RRAD: variants seen among roughly 807,000 people sequenced by gnomAD.
RRAD encodes the protein GTP-binding protein RAD.
Under a neutral mutation model 24.7 loss-of-function variants are expected in RRAD, and 15 were observed. The ratio of observed to expected loss-of-function variants is 0.61; its 90% CI spans 0.41 to 0.93. The LOEUF (loss-of-function observed/expected upper bound fraction) is 0.93, where lower values mean the gene tolerates loss of function less well. RRAD is among the 40% of genes least tolerant of loss of function. The pLI, the probability that RRAD is intolerant of heterozygous loss-of-function variation, is 0.00. For synonymous variants in RRAD, 180 were observed against 189.8 expected (o/e 0.95, Z 0.43); for missense variants, 438 against 452.2 (o/e 0.97, Z 0.29).
At position 66,923,897 on chromosome 16, in the gene RRAD, A is replaced by G. The variant is rs761239090; in HGVS notation, c.393T>C (p.Ile131=). Residue 131 remains isoleucine (I), a synonymous_variant, in exon 3 of 5, where the codon ATT becomes ATC. Transcript: ENST00000299759. This position sits in a 1 kb window ranked among gnomAD's most constrained non-coding sequence, Gnocchi z 4.9. ...EAAGHTYDRS[I]VVDGEEASLM... Reference sequence around the variant, plus strand: ...GTGATGCCTCTTCTCCGTCCACTACAATGGAGCGATCATAGGTGTGCCCTA... The same window carrying G: ...GTGATGCCTCTTCTCCGTCCACTACGATGGAGCGATCATAGGTGTGCCCTA... The G allele has an allele frequency of 6.2e-7, 1 of 1,614,004 alleles. No individual in the cohort carries two copies. Among genetic ancestry groups the G allele is most frequent in the Non-Finnish European group, 8.5e-7 (1 of 1,179,972 alleles).
rs757517331 is a variant in RRAD, at chr16:66,923,670, A to G, written c.495T>C (p.Tyr165=). Residue 165 remains tyrosine (Y), a synonymous_variant, in exon 4 of 5, where the codon TAT becomes TAC. Transcript: ENST00000299759. The surrounding 1 kb of genome is among the most constrained non-coding windows in gnomAD (Gnocchi z 4.9). ...PGHCMAMGDA[Y]VIVYSVTDKG... ...TGTCCGTCACTGAGTACACAATGAC[A>G]TAGGCATCCCCCATGGCCATGCAGT... 12 of 1,614,006 alleles carry G rather than the reference A, an allele frequency of 7.4e-6. No homozygotes were observed. Among genetic ancestry groups the G allele is most frequent in the Non-Finnish European group, 8.5e-7 (1 of 1,180,024 alleles).
At position 66,924,862 on chromosome 16, in the gene RRAD, G is replaced by C; in HGVS notation, c.318C>G (p.Ala106=). ...LLGAPGVGKS[A]LARIFGGVED... ...CCACACCGCCGAAGATGCGCGCCAGGGCGCTCTTGCCCACGCCGGGCGCCC... is the reference window on the plus strand; with the variant it reads ...CCACACCGCCGAAGATGCGCGCCAGCGCGCTCTTGCCCACGCCGGGCGCCC... The change falls in exon 2 of 5, where the codon GCC becomes GCG. Residue 106 remains alanine, a synonymous_variant. Coordinates refer to ENST00000299759, the MANE Select transcript of RRAD (RefSeq NM_004165.3). The surrounding 1 kb of genome is among the most constrained non-coding windows in gnomAD (Gnocchi z 4.2). 1.9e-6 allele frequency: 3 copies of C among 1,588,316 alleles called. No homozygotes were observed. Among genetic ancestry groups the C allele is most frequent in the Non-Finnish European group, 2.6e-6 (3 of 1,172,112 alleles).
rs1962945325 is a variant in RRAD, at chr16:66,923,450, G to A, written c.649+66C>T. On this transcript the variant is annotated intron_variant, in intron 4 of 4. Transcript: ENST00000299759. The surrounding 1 kb of genome is among the most constrained non-coding windows in gnomAD (Gnocchi z 4.9). Reference sequence around the variant, plus strand: ...GATGATCCCCAGGGACTCAAGCTGAGCCAAGACTGCCTGGATCAGGGCCCA... The same window carrying A: ...GATGATCCCCAGGGACTCAAGCTGAACCAAGACTGCCTGGATCAGGGCCCA... The A allele has an allele frequency of 5.2e-6, 7 of 1,358,228 alleles. No individual in the cohort carries two copies. In the South Asian group the frequency reaches 6.3e-5, roughly 12 times the overall value. 84.1% of individuals were successfully genotyped at this position (1,358,228 alleles called of 1,614,324 possible). A position where few individuals can be genotyped will look rare whatever the true frequency, so the allele number is the denominator to read the frequency against.
chr16:66,923,714 C>T lies in RRAD; in HGVS notation c.451G>A (p.Gly151Ser), dbSNP rs1324643833. The part of the protein sequence containing the change: ...MVYDIWEQDG[G>S]RWLPGHCMAM... ...ATGCAGTGGCCGGGCAACCAGCGGC[C>T]CCCGTCCTGGAGAACACACAACACA... Residue 151 changes from glycine (G) to serine (S), a missense_variant, in exon 4 of 5, where the codon GGC (glycine) becomes AGC (serine). By Grantham distance (56) the Gly-to-Ser change is moderately conservative. Coordinates refer to ENST00000299759, the MANE Select transcript of RRAD (RefSeq NM_004165.3). This position sits in a 1 kb window ranked among gnomAD's most constrained non-coding sequence, Gnocchi z 4.9. 6.8e-6 allele frequency: 11 copies of T among 1,613,952 alleles called. No individual in the cohort carries two copies. The highest frequency in any genetic ancestry group is 3.3e-5 in the Admixed American group (2 of 59,988).
rs1962983087 is a variant in RRAD at position 66,925,291 on chromosome 16, C to G, written c.-15-97G>C. 6.5e-6 allele frequency: 7 copies of G among 1,068,948 alleles called. No individual in the cohort carries two copies. Among genetic ancestry groups the G allele is most frequent in the Non-Finnish European group, 8.2e-6 (7 of 850,464 alleles). The allele number at this position is 1,068,948 out of a possible 1,614,324, so 66.2% of individuals were successfully genotyped here. On this transcript the variant is annotated intron_variant, in intron 1 of 4. Coordinates refer to ENST00000299759, the MANE Select transcript of RRAD (RefSeq NM_004165.3). The surrounding 1 kb of genome is among the most constrained non-coding windows in gnomAD (Gnocchi z 5.2). ...CCGGAGTCAGGCGGGATGCTCCGGC[C>G]GAGGTCCCGCCGCAGCCCTCCCCCA...
At position 66,923,914 on chromosome 16, in the gene RRAD, T is replaced by C; in HGVS notation, c.376A>G (p.Thr126Ala). Residue 126 changes from threonine (T) to alanine (A), a missense_variant, in exon 3 of 5, where the codon ACC (threonine) becomes GCC (alanine). Transcript: ENST00000299759. This position sits in a 1 kb window ranked among gnomAD's most constrained non-coding sequence, Gnocchi z 4.9. ...TCCACTACAATGGAGCGATCATAGGTGTGCCCTAGGCAGAAGGCCAGTAGA... is the reference window on the plus strand; with the variant it reads ...TCCACTACAATGGAGCGATCATAGGCGTGCCCTAGGCAGAAGGCCAGTAGA... ...DGPEAEAAGHTYDRSIVVDGE... is the reference protein window; with the variant it reads ...DGPEAEAAGHAYDRSIVVDGE... 1 of 1,613,962 alleles carries C rather than the reference T, an allele frequency of 6.2e-7. No homozygotes were observed. The highest frequency in any genetic ancestry group is 8.5e-7 in the Non-Finnish European group (1 of 1,179,880).
chr16:66,922,414 T>C (rs946514334), intron 4 of RRAD, 61 bp from the exon 5 acceptor site: 1 of 1,495,518 alleles, frequency 6.7e-7, no homozygotes, highest in Non-Finnish European at 9.0e-7. Context: ...AGGAGTCCCC[T>C]CCAACAGTGG....
In RRAD at chr16:66,922,290, T is replaced by G. The variant is rs1200112630; in HGVS notation, c.713A>C (p.His238Pro). 1 of 1,612,518 alleles carries G rather than the reference T, an allele frequency of 6.2e-7. No individual in the cohort carries two copies. Among genetic ancestry groups the G allele is most frequent in the Non-Finnish European group, 8.5e-7 (1 of 1,178,982 alleles). The change falls in exon 5 of 5, where the codon CAC becomes CCC. Residue 238 changes from histidine (H) to proline (P), a missense_variant. His to Pro is a moderately conservative substitution (Grantham distance 77). Transcript: ENST00000299759. ...KFIETSAALH[H>P]NVQALFEGVV... is the part of the protein sequence containing the mutation. ...ACCTTCAAACAGCGCCTGGACATTG[T>G]GGTGCAATGCCGCTGATGTCTCAAT...
Position 66,922,007 on chromosome 16 carries a change from G to T in RRAD, c.*69C>A. 1.4e-6 allele frequency: 2 copies of T among 1,445,696 alleles called. No homozygotes were observed. Among genetic ancestry groups the T allele is most frequent in the Non-Finnish European group, 1.9e-6 (2 of 1,055,842 alleles). 89.6% of individuals were successfully genotyped at this position (1,445,696 alleles called of 1,614,324 possible). A position where few individuals can be genotyped will look rare whatever the true frequency, so the allele number is the denominator to read the frequency against. On this transcript the variant is annotated 3_prime_UTR_variant, in exon 5 of 5. Coordinates refer to ENST00000299759, the MANE Select transcript of RRAD (RefSeq NM_004165.3). Reference sequence around the variant, plus strand: ...AGTCTGAGCCTGCTCTGAGGCACCCGGGGCAGTTGGCTGGGCCAGCCCACC... The same window carrying T: ...AGTCTGAGCCTGCTCTGAGGCACCCTGGGCAGTTGGCTGGGCCAGCCCACC...
Position 66,923,381 on chromosome 16 carries a change from A to G in RRAD, c.649+135T>C, listed in dbSNP as rs1962944365. ...TGTGAGCAGGCACCAGCTCTCTCCC[A>G]TTTCCCTCCCCGCCAGTTTTCTTTC... is the stretch of plus-strand genomic sequence containing the variant. On this transcript the variant is annotated intron_variant, in intron 4 of 4. Coordinates refer to ENST00000299759, the MANE Select transcript of RRAD (RefSeq NM_004165.3). This position sits in a 1 kb window ranked among gnomAD's most constrained non-coding sequence, Gnocchi z 4.9. 2 of 754,328 alleles carry G rather than the reference A, an allele frequency of 2.7e-6. No individual in the cohort carries two copies. 46.7% of individuals were successfully genotyped at this position (754,328 alleles called of 1,614,324 possible). A position where few individuals can be genotyped will look rare whatever the true frequency, so the allele number is the denominator to read the frequency against.
At position 66,923,961 on chromosome 16, in the gene RRAD, A is replaced by G; in HGVS notation, c.371-42T>C. On this transcript the variant is annotated intron_variant, in intron 2 of 4. Coordinates refer to ENST00000299759, the MANE Select transcript of RRAD (RefSeq NM_004165.3). This position sits in a 1 kb window ranked among gnomAD's most constrained non-coding sequence, Gnocchi z 4.9. ...TAGACAGGTTACCAGCTGGTTGTCA[A>G]AGCCGCTGCTGCCAGGTTTCCTGTT... The G allele has an allele frequency of 1.3e-6, 2 of 1,544,700 alleles. No homozygotes were observed. Among genetic ancestry groups the G allele is most frequent in the Non-Finnish European group, 1.8e-6 (2 of 1,116,730 alleles).
In RRAD at chr16:66,925,003, G is replaced by A. The variant is rs1962975691; in HGVS notation, c.177C>T (p.Ala59=). The A allele has an allele frequency of 2.8e-6, 4 of 1,429,902 alleles. No individual in the cohort carries two copies. Among genetic ancestry groups the A allele is most frequent in the Non-Finnish European group, 3.7e-6 (4 of 1,087,430 alleles). The allele number at this position is 1,429,902 out of a possible 1,614,324, so 88.6% of individuals were successfully genotyped here. A position where few individuals can be genotyped will look rare whatever the true frequency, so the allele number is the denominator to read the frequency against. Reference sequence around the variant, plus strand: ...GACCCTGGGTCCCCGTCCCGGCCGCGGCCGCCGTCAGGGCACCCGGGGTCA... The same window carrying A: ...GACCCTGGGTCCCCGTCCCGGCCGCAGCCGCCGTCAGGGCACCCGGGGTCA... ...AALTPGALTA[A]AAGTGTQGPR... The change falls in exon 2 of 5, where the codon GCC becomes GCT. Residue 59 remains alanine (A), a synonymous_variant. Transcript: ENST00000299759. This position sits in a 1 kb window ranked among gnomAD's most constrained non-coding sequence, Gnocchi z 5.2.
rs1174215429 is a variant in RRAD, at chr16:66,924,293, T to TG, written c.371-375dup. 1.3e-5 allele frequency among the ~76,000 whole-genome samples: 2 copies of TG among 152,208 alleles called. No homozygotes were observed. The highest frequency in any genetic ancestry group is 2.9e-5 in the Non-Finnish European group (2 of 68,030). On this transcript the variant is annotated intron_variant, in intron 2 of 4. Coordinates refer to ENST00000299759, the MANE Select transcript of RRAD (RefSeq NM_004165.3). This position sits in a 1 kb window ranked among gnomAD's most constrained non-coding sequence, Gnocchi z 4.2. ...TGGGCATTTCTTCCCTACCAAAGGC[T>TG]GGGGGGTGTCCCTTCTCCTTTCCTT... is the stretch of plus-strand genomic sequence containing the variant.
At position 66,922,338 on chromosome 16, in the gene RRAD, G is replaced by T; in HGVS notation, c.665C>A (p.Ala222Glu). The T allele has an allele frequency of 6.3e-7, 1 of 1,594,780 alleles. No individual in the cohort carries two copies. Among genetic ancestry groups the T allele is most frequent in the Non-Finnish European group, 8.6e-7 (1 of 1,168,304 alleles). The change falls in exon 5 of 5, where the codon GCG becomes GAG. Residue 222 changes from alanine to glutamate, a missense_variant. Physicochemically the swap from Ala to Glu is moderately radical, Grantham distance 107 (BLOSUM62 -1). Transcript: ENST00000299759. ...EVSVDEGRACAVVFDCKFIET... is the reference protein window; with the variant it reads ...EVSVDEGRACEVVFDCKFIET... Reference sequence around the variant, plus strand: ...AATGAACTTGCAGTCAAAGACCACCGCGCAGGCCCGGCCCTCTGTGTGGGT... The same window carrying T: ...AATGAACTTGCAGTCAAAGACCACCTCGCAGGCCCGGCCCTCTGTGTGGGT...
Position 66,923,711 on chromosome 16 carries a change from G to T in RRAD, c.454C>A (p.Arg152Ser). 1 of 1,614,070 alleles carries T rather than the reference G, an allele frequency of 6.2e-7. No homozygotes were observed. The highest frequency in any genetic ancestry group is 8.5e-7 in the Non-Finnish European group (1 of 1,180,020). The change falls in exon 4 of 5, where the codon CGC (arginine) becomes AGC (serine). Residue 152 changes from arginine (R) to serine (S), a missense_variant. Coordinates refer to ENST00000299759, the MANE Select transcript of RRAD (RefSeq NM_004165.3). This position sits in a 1 kb window ranked among gnomAD's most constrained non-coding sequence, Gnocchi z 4.9. ...GCCATGCAGTGGCCGGGCAACCAGC[G>T]GCCCCCGTCCTGGAGAACACACAAC... ...VYDIWEQDGG[R>S]WLPGHCMAMG...
Position 66,924,860 on chromosome 16 carries a change from AG to A in RRAD, c.319del (p.Leu107TrpfsTer26). 6.3e-7 allele frequency: 1 copy of A among 1,588,434 alleles called. No individual in the cohort carries two copies. Among genetic ancestry groups the A allele is most frequent in the Non-Finnish European group, 8.5e-7 (1 of 1,172,166 alleles). ...LGAPGVGKSA[L>X]ARIFGGVEDG... ...CTCCACACCGCCGAAGATGCGCGCC[AG>A]GGCGCTCTTGCCCACGCCGGGCGCC... On this transcript the variant is annotated frameshift_variant, in exon 2 of 5. Coordinates refer to ENST00000299759, the MANE Select transcript of RRAD (RefSeq NM_004165.3). LOFTEE classifies it high-confidence loss of function. The surrounding 1 kb of genome is among the most constrained non-coding windows in gnomAD (Gnocchi z 4.2).
Position 66,921,946 on chromosome 16 carries a change from T to G in RRAD, c.*130A>C. ...TGTCTATCTGTCCATGACCATGAGG[T>G]TGGGGGTGCCCGGCTGGCAGCTCCG... is the stretch of plus-strand genomic sequence containing the variant. On this transcript the variant is annotated 3_prime_UTR_variant, in exon 5 of 5. Coordinates refer to ENST00000299759, the MANE Select transcript of RRAD (RefSeq NM_004165.3). The G allele has an allele frequency of 2.7e-6, 2 of 744,080 alleles. No individual in the cohort carries two copies. Among genetic ancestry groups the G allele is most frequent in the East Asian group, 2.7e-5 (1 of 36,862 alleles). The allele number at this position is 744,080 out of a possible 1,614,324, so 46.1% of individuals were successfully genotyped here.
At chr16:66,922,412 C>T in intron 4 of RRAD, 59 bp from the exon 5 acceptor site, 1 of 1,502,360 alleles carries the variant, frequency 6.7e-7, no homozygotes, top group Non-Finnish European at 8.9e-7. Context: ...TGAGGAGTCC[C>T]CTCCAACAGT....
Position 66,925,021 on chromosome 16 carries a change from C to T in RRAD, c.159G>A (p.Pro53=). The T allele has an allele frequency of 7.1e-7, 1 of 1,402,582 alleles. No homozygotes were observed. Among genetic ancestry groups the T allele is most frequent in the Non-Finnish European group, 9.3e-7 (1 of 1,072,692 alleles). The allele number at this position is 1,402,582 out of a possible 1,614,324, so 86.9% of individuals were successfully genotyped here. ...CGGCCGCGGCCGCCGTCAGGGCACC[C>T]GGGGTCAGCGCCGCCTGCAGGTCGC... The part of the protein sequence containing the change: ...DERDLQAALT[P]GALTAAAAGT... The change falls in exon 2 of 5, where the codon CCG becomes CCA. Residue 53 remains proline (P), a synonymous_variant. Coordinates refer to ENST00000299759, the MANE Select transcript of RRAD (RefSeq NM_004165.3). The surrounding 1 kb of genome is among the most constrained non-coding windows in gnomAD (Gnocchi z 5.2).
Sources: gnomAD v4.1 joint callset for allele counts (sites outside exome capture counted in the v4.1 genomes callset) on GRCh38, gnomAD v4.1.1 for gene constraint, Gnocchi (gnomAD v3.1) non-coding constraint, MANE v1.5 for transcripts, NCBI Gene and HGNC (gene_info 2026-07-23, HGNC 2026-07-21) for gene names.